The following LEKR1 variants were observed in gnomAD, a reference collection of about 807,000 sequenced individuals.
LEKR1 encodes protein LEKR1.
LEKR1 carries 59 observed loss-of-function variants against 72.4 expected under a neutral mutation model. The observed-to-expected ratio is 0.82, with a 90% confidence interval of 0.66 to 1.01. LEKR1 has a LOEUF of 1.01. Ranked by LOEUF, LEKR1 falls within the 50% of genes least tolerant of loss-of-function variation. The probability of loss-of-function intolerance (pLI) is 0.00; values close to 1 mark genes in which losing one functional copy is unlikely to be tolerated. For missense variants in LEKR1, 728 were observed against 759.2 expected, an observed-to-expected ratio of 0.96 and a Z score of 0.48; for synonymous variants, 257 against 263.2, an observed-to-expected ratio of 0.98 and a Z score of 0.23.
intron 3 of LEKR1, among the ~76,000 whole-genome samples, chr3:156,874,420 T>G (rs1256759297): frequency 6.6e-6 from 1 of 152,146 alleles, no homozygotes; most frequent in African/African-American, 2.4e-5. Flanking sequence ...CCTCTGACCA[T>G]TTTTATTTGG....
intron 3 of LEKR1, among the ~76,000 whole-genome samples, chr3:156,881,808 G>A (rs1448419414): frequency 8.3e-6 from 1 of 119,892 alleles, no homozygotes; most frequent in Non-Finnish European, 1.8e-5. Flanking sequence ...CAGAGATATA[G>A]ATCAATGGAA....
At chr3:156,931,905 T>C (rs78821221) in intron 5 of LEKR1, among the ~76,000 whole-genome samples, 4,834 of 152,268 alleles carry the variant, frequency 0.032, 116 homozygotes, top group Non-Finnish European at 0.047. Flanking sequence ...TAGGGGTTTT[T>C]ATTACATAGT....
chr3:156,920,155 A>G (rs1724056946), intron 3 of LEKR1, among the ~76,000 whole-genome samples: 1 of 152,160 alleles, frequency 6.6e-6, no homozygotes, highest in African/African-American at 2.4e-5. Context: ...CTTTCTTTAT[A>G]AATTACCTAG....
At chr3:157,034,524 A>G (rs1734830825) in intron 12 of LEKR1, among the ~76,000 whole-genome samples, 2 of 152,220 alleles carry the variant, frequency 1.3e-5, no homozygotes, top group African/African-American at 4.8e-5. Flanking sequence ...GCAAACTTGA[A>G]CATATAAAAA....
chr3:157,004,741 A>T (rs1281173253), intron 9 of LEKR1, among the ~76,000 whole-genome samples: 2 of 152,146 alleles, frequency 1.3e-5, no homozygotes, highest in African/African-American at 4.8e-5. Flanking sequence ...TGGTCAAATA[A>T]AATATCAAAA....
chr3:156,869,853 G>A (rs1478788160), intron 3 of LEKR1, among the ~76,000 whole-genome samples: 5 of 152,010 alleles, frequency 3.3e-5, no homozygotes, highest in Non-Finnish European at 7.4e-5. Context: ...TTACACTTAA[G>A]TCTTTAGTCC....
intron 2 of LEKR1, among the ~76,000 whole-genome samples, chr3:156,848,469 A>G: frequency 6.6e-6 from 1 of 152,224 alleles, no homozygotes; most frequent in East Asian, 1.9e-4. Context: ...GCAAGCATGT[A>G]GGCTTTGCCA....
intron 10 of LEKR1, chr3:157,017,596 A>G (rs1733455898): frequency 5.9e-5 from 9 of 152,210 alleles, no homozygotes; most frequent in Admixed American, 5.9e-4. Flanking sequence ...CAAGAAATGC[A>G]CTTTAATATA....
Position 156,831,705 on chromosome 3 carries a change from A to G in LEKR1, c.48+2328A>G, listed in dbSNP as rs557242850. Among the ~76,000 whole-genome samples, 9 of 152,262 alleles carry G rather than the reference A, an allele frequency of 5.9e-5. No individual in the cohort carries two copies. In the South Asian group the frequency reaches 8.3e-4, roughly 14 times the overall value. ...TCAGATCTTGTGAGACTTATTCACT[A>G]TCATGAGAAGAGCATGATAAAGGTT... On this transcript the variant is annotated intron_variant, in intron 2 of 12. Coordinates refer to ENST00000356539, the MANE Select transcript of LEKR1 (RefSeq NM_001004316.3).
At chr3:156,933,202 T>G (rs1186974412) in intron 5 of LEKR1, among the ~76,000 whole-genome samples, 1 of 152,228 alleles carries the variant, frequency 6.6e-6, no homozygotes, top group Non-Finnish European at 1.5e-5. Flanking sequence ...CAGATATACT[T>G]TACATAATTA....
At chr3:156,999,767 G>A (rs1253367681) in intron 9 of LEKR1, among the ~76,000 whole-genome samples, 4 of 152,106 alleles carry the variant, frequency 2.6e-5, no homozygotes, top group Non-Finnish European at 5.9e-5. Context: ...TTTGCACAAG[G>A]GCACTGGTTA....
At chr3:156,905,313 A>T (rs1259751384) in intron 3 of LEKR1, among the ~76,000 whole-genome samples, 1 of 152,198 alleles carries the variant, frequency 6.6e-6, no homozygotes, top group Non-Finnish European at 1.5e-5. Context: ...ATACAGGATA[A>T]TGACTCTTCA....
At chr3:156,869,443 G>A (rs1717665970) in intron 3 of LEKR1, among the ~76,000 whole-genome samples, 1 of 151,850 alleles carries the variant, frequency 6.6e-6, no homozygotes, top group South Asian at 2.1e-4. Context: ...TATTTCCCTG[G>A]TGATTAGTAG....
intron 3 of LEKR1, among the ~76,000 whole-genome samples, chr3:156,920,371 C>T (rs1215048772): frequency 6.6e-6 from 1 of 152,082 alleles, no homozygotes; most frequent in Non-Finnish European, 1.5e-5. Context: ...CTTTTTCCCC[C>T]TGCCCATAAA....
chr3:156,911,855 G>T (rs901588171), intron 3 of LEKR1, among the ~76,000 whole-genome samples: 8 of 151,766 alleles, frequency 5.3e-5, no homozygotes, highest in Non-Finnish European at 1.0e-4. Context: ...CTGTTCCATT[G>T]GTCTATGTGT....
At chr3:156,874,069 T>G in intron 3 of LEKR1, among the ~76,000 whole-genome samples, 1 of 152,270 alleles carries the variant, frequency 6.6e-6, no homozygotes, top group East Asian at 1.9e-4. Flanking sequence ...TGTTCATCTG[T>G]TATTTTGTTA....
chr3:156,888,454 AT>A (rs941412288), intron 3 of LEKR1: 8 of 687,028 alleles, frequency 1.2e-5, no homozygotes, highest in Middle Eastern at 2.3e-4. Flanking sequence ...CAAAATAAAT[AT>A]TTTTTTGAAA....
intron 4 of LEKR1, among the ~76,000 whole-genome samples, chr3:156,926,130 T>G (rs551918421): frequency 6.6e-6 from 1 of 151,966 alleles, no homozygotes; most frequent in Non-Finnish European, 1.5e-5. Flanking sequence ...TTCAGATACA[T>G]TGGAGAAAGA....
intron 3 of LEKR1, among the ~76,000 whole-genome samples, chr3:156,869,869 G>A (rs1370935331): frequency 6.6e-6 from 1 of 151,922 alleles, no homozygotes; most frequent in Non-Finnish European, 1.5e-5. Flanking sequence ...AGTCCATCCT[G>A]AGTTGATTTC....
Sources: allele counts gnomAD v4.1 joint callset (sites outside exome capture counted in the v4.1 genomes callset), GRCh38; gene constraint gnomAD v4.1.1; transcripts MANE v1.5; gene names NCBI Gene and HGNC (gene_info 2026-07-23, HGNC 2026-07-21).